Variants in SNX14 observed in about 807,000 individuals in gnomAD.
The protein encoded by SNX14 is sorting nexin-14.
SNX14 carries 93 observed loss-of-function variants against 133.8 expected under a neutral mutation model. That is an observed-to-expected ratio of 0.70 (90% CI 0.59 to 0.83). SNX14 has a LOEUF of 0.83. SNX14 is among the 40% of genes least tolerant of loss of function. The pLI is 0.00. For missense variants in SNX14, 945 were observed against 1,094.9 expected (o/e 0.86, Z 1.93); for synonymous variants, 368 against 365.6 (o/e 1.01, Z -0.07).
chr6:85,587,214 AAAAATATGGC>A (rs1467078535), intron 1 of SNX14, among the ~76,000 whole-genome samples: 1 of 152,236 alleles, frequency 6.6e-6, no homozygotes, highest in East Asian at 1.9e-4. Context: ...AGGCAAAAAA[AAAAATATGGC>A]AAAATATGGA....
intron 21 of SNX14, among the ~76,000 whole-genome samples, chr6:85,525,773 A>T (rs2127957484): frequency 6.6e-6 from 1 of 152,282 alleles, no homozygotes; most frequent in South Asian, 2.1e-4. Flanking sequence ...GAGATATTTA[A>T]TGACAAATTT....
rs559490510 is a variant in SNX14 at position 85,531,472 on chromosome 6, A to G, written c.1811-1197T>C. ...GTGAACCAATACCACAATCATCCAA[A>G]ACAACACTTCTTTCTATTTAGAAAA... is the stretch of plus-strand genomic sequence containing the variant. On this transcript the variant is annotated intron_variant, in intron 18 of 28. Coordinates refer to ENST00000314673, the MANE Select transcript of SNX14 (RefSeq NM_153816.6). Among the ~76,000 whole-genome samples, 7 of 152,288 alleles carry G rather than the reference A, an allele frequency of 4.6e-5. No homozygotes were observed. In the South Asian group the frequency reaches 6.2e-4, roughly 14 times the overall value.
chr6:85,512,621 CA>C (rs11336326), intron 26 of SNX14, among the ~76,000 whole-genome samples: 88,080 of 123,536 alleles, frequency 0.71, 29,738 homozygotes, highest in South Asian at 0.79. Context: ...GGCTCTGTCT[CA>C]AAAAAAAAAA....
intron 1 of SNX14, among the ~76,000 whole-genome samples, chr6:85,580,042 A>T (rs1191299522): frequency 6.6e-6 from 1 of 152,188 alleles, no homozygotes; most frequent in East Asian, 1.9e-4. Context: ...CCCCTCTCCA[A>T]GTCCCAGGCA....
At chr6:85,510,225 C>T (rs1391969901) in intron 26 of SNX14, among the ~76,000 whole-genome samples, 1 of 152,078 alleles carries the variant, frequency 6.6e-6, no homozygotes, top group Non-Finnish European at 1.5e-5. Context: ...ACCTGTCTTC[C>T]AAAGTGGCTA....
At chr6:85,523,359 GAAAC>G (rs1220288618) in intron 21 of SNX14, among the ~76,000 whole-genome samples, 1 of 152,156 alleles carries the variant, frequency 6.6e-6, no homozygotes, top group Non-Finnish European at 1.5e-5. Context: ...GACTAGATAG[GAAAC>G]TTAGTACAGT....
At chr6:85,580,542 C>G (rs947638687) in intron 1 of SNX14, among the ~76,000 whole-genome samples, 2 of 152,056 alleles carry the variant, frequency 1.3e-5, no homozygotes, top group African/African-American at 4.8e-5. Context: ...CTTTTGGGGT[C>G]CCCAATTCCA....
chr6:85,547,111 C>T lies in SNX14; in HGVS notation c.1108+1G>A, dbSNP rs12720481. The T allele has an allele frequency of 6.2e-7, 1 of 1,611,214 alleles. No homozygotes were observed. Among genetic ancestry groups the T allele is most frequent in the South Asian group, 1.1e-5 (1 of 90,804 alleles). On this transcript the variant is annotated splice_donor_variant, in intron 12 of 28. Transcript: ENST00000314673. LOFTEE classifies it high-confidence loss of function. Reference sequence around the variant, plus strand: ...TCGTAAAATACACAGGTAAGCCTCACCCACAGTCAAACAAAACTGCAACAC... The same window carrying T: ...TCGTAAAATACACAGGTAAGCCTCATCCACAGTCAAACAAAACTGCAACAC...
At chr6:85,554,642 T>C (rs1789032233) in intron 7 of SNX14, among the ~76,000 whole-genome samples, 1 of 152,192 alleles carries the variant, frequency 6.6e-6, no homozygotes, top group Non-Finnish European at 1.5e-5. Flanking sequence ...TTTACTTCTA[T>C]GGACTTCATT....
intron 26 of SNX14, chr6:85,508,483 G>A: frequency 1.5e-6 from 1 of 684,272 alleles, no homozygotes; most frequent in Non-Finnish European, 1.8e-6. Context: ...CCCAATGTAG[G>A]ATAAGCCGAC....
At chr6:85,585,974 C>T (rs1308461003) in intron 1 of SNX14, among the ~76,000 whole-genome samples, 1 of 149,510 alleles carries the variant, frequency 6.7e-6, no homozygotes, top group Non-Finnish European at 1.5e-5. Context: ...TCTTCTTGCA[C>T]CACTCCCCGC....
intron 6 of SNX14, among the ~76,000 whole-genome samples, chr6:85,560,870 C>T (rs1011535819): frequency 4.0e-5 from 6 of 151,492 alleles, no homozygotes; most frequent in Admixed American, 1.3e-4. Context: ...TCTGTCTCTA[C>T]TAAAAATACA....
chr6:85,542,125 A>C, intron 14 of SNX14, 82 bp from the exon 15 acceptor site: 1 of 942,878 alleles, frequency 1.1e-6, no homozygotes, highest in Non-Finnish European at 1.5e-6. Context: ...ACTACTTTCC[A>C]GTTTTGGGAA....
At chr6:85,562,618 G>A (rs999155332) in intron 6 of SNX14, among the ~76,000 whole-genome samples, 5 of 113,392 alleles carry the variant, frequency 4.4e-5, no homozygotes, top group African/African-American at 7.3e-5. Context: ...ACAGAGTCTC[G>A]CTCTGTTGCC....
intron 23 of SNX14, among the ~76,000 whole-genome samples, chr6:85,516,127 T>G (rs1774874254): frequency 6.6e-6 from 1 of 152,188 alleles, no homozygotes; most frequent in Non-Finnish European, 1.5e-5. Flanking sequence ...TAGCACCATA[T>G]CAAATATCTT....
intron 7 of SNX14, among the ~76,000 whole-genome samples, chr6:85,552,605 G>A (rs1420110287): frequency 5.3e-5 from 8 of 152,142 alleles, no homozygotes; most frequent in Non-Finnish European, 1.0e-4. Flanking sequence ...ATAAACAATT[G>A]CCCCAAGTAA....
In SNX14 at chr6:85,547,098, C is replaced by T; in HGVS notation, c.1108+14G>A. ...TTAAAAATTACTTTCGTAAAATACA[C>T]AGGTAAGCCTCACCCACAGTCAAAC... is the stretch of plus-strand genomic sequence containing the variant. On this transcript the variant is annotated intron_variant, in intron 12 of 28. Coordinates refer to ENST00000314673, the MANE Select transcript of SNX14 (RefSeq NM_153816.6). 6.3e-7 allele frequency: 1 copy of T among 1,588,444 alleles called. No individual in the cohort carries two copies. Among genetic ancestry groups the T allele is most frequent in the Non-Finnish European group, 8.6e-7 (1 of 1,164,800 alleles).
chr6:85,551,600 A>T (rs1787860158), intron 7 of SNX14, among the ~76,000 whole-genome samples: 1 of 152,014 alleles, frequency 6.6e-6, no homozygotes, highest in Non-Finnish European at 1.5e-5. Context: ...TGAAACCAGA[A>T]CTCTCTCTTT....
intron 1 of SNX14, among the ~76,000 whole-genome samples, chr6:85,579,195 G>A (rs1040601107): frequency 1.3e-5 from 2 of 151,998 alleles, no homozygotes; most frequent in Non-Finnish European, 2.9e-5. Flanking sequence ...AGGATGGCCT[G>A]GCCATCATCA....
Sources: gnomAD v4.1 joint callset for allele counts (sites outside exome capture counted in the v4.1 genomes callset) on GRCh38, gnomAD v4.1.1 for gene constraint, MANE v1.5 for transcripts, NCBI Gene and HGNC (gene_info 2026-07-23, HGNC 2026-07-21) for gene names.